Variants in IFI16 observed in about 807,000 individuals in gnomAD.
IFI16 encodes gamma-interferon-inducible protein 16.
IFI16 carries 49 observed loss-of-function variants against 68.4 expected under a neutral mutation model. That is an observed-to-expected ratio of 0.72 (90% CI 0.57 to 0.91). The LOEUF (loss-of-function observed/expected upper bound fraction) is 0.91. Ranked by LOEUF, IFI16 falls within the 40% of genes least tolerant of loss-of-function variation. The probability of loss-of-function intolerance (pLI) is 0.00; values close to 1 mark genes in which losing one functional copy is unlikely to be tolerated. For synonymous variants in IFI16, 307 were observed against 315.0 expected (o/e 0.97, Z 0.27); for missense variants, 878 against 942.9 (o/e 0.93, Z 0.90).
intron 7 of IFI16, among the ~76,000 whole-genome samples, chr1:159,044,652 T>C (rs1357708819): frequency 6.6e-6 from 1 of 152,176 alleles, no homozygotes; most frequent in Non-Finnish European, 1.5e-5. Flanking sequence ...TTAGAGATAT[T>C]CCCCAATTTT....
Position 159,052,112 on chromosome 1 carries a change from ATTG to A in IFI16, c.2085+17_2085+19del. ...GAGGTACATAAGGTAAGCCCACACCATTGTTTTATAAAATTTCTCCTGCAACCT... is the reference window on the plus strand; with the variant it reads ...GAGGTACATAAGGTAAGCCCACACCATTTTATAAAATTTCTCCTGCAACCT... On this transcript the variant is annotated intron_variant, in intron 10 of 11. Coordinates refer to ENST00000295809, the MANE Select transcript of IFI16 (RefSeq NM_001376587.1). 1 of 1,572,696 alleles carries A rather than the reference ATTG, an allele frequency of 6.4e-7. No individual in the cohort carries two copies. Among genetic ancestry groups the A allele is most frequent in the South Asian group, 1.1e-5 (1 of 87,680 alleles).
At position 159,018,600 on chromosome 1, in the gene IFI16, T is replaced by C. The variant is rs1026776805; in HGVS notation, c.921T>C (p.Leu307=). 3 of 1,613,588 alleles carry C rather than the reference T, an allele frequency of 1.9e-6. No homozygotes were observed. Among genetic ancestry groups the C allele is most frequent in the Admixed American group, 1.7e-5 (1 of 59,930 alleles). ...AGGAAACTCTGAAGATTGATATTCT[T>C]CACAAACAAGCTTCAGGAAATATTG... ...RAKETLKIDI[L]HKQASGNIVY... is the part of the protein sequence containing the mutation. Residue 307 remains leucine (L), a synonymous_variant, in exon 5 of 12, where the codon CTT becomes CTC. Coordinates refer to ENST00000295809, the MANE Select transcript of IFI16 (RefSeq NM_001376587.1).
At chr1:159,041,007 C>T (rs1654601610) in intron 7 of IFI16, among the ~76,000 whole-genome samples, 1 of 152,188 alleles carries the variant, frequency 6.6e-6, no homozygotes. Context: ...ACTCTGCAGC[C>T]TTTCAGTGAT....
chr1:159,039,502 C>T (rs1344385935), intron 7 of IFI16, among the ~76,000 whole-genome samples: 2 of 152,034 alleles, frequency 1.3e-5, no homozygotes, highest in African/African-American at 4.8e-5. Context: ...CACCACCATG[C>T]CAGGCCAATT....
chr1:159,032,080 A>G (rs1445452499), intron 6 of IFI16, among the ~76,000 whole-genome samples: 1 of 152,248 alleles, frequency 6.6e-6, no homozygotes, highest in Non-Finnish European at 1.5e-5. Flanking sequence ...AATAGGTCCT[A>G]TTGCTCTTAG....
At chr1:159,051,051 CTATTTT>C (rs1475859229) in intron 9 of IFI16, among the ~76,000 whole-genome samples, 1 of 152,014 alleles carries the variant, frequency 6.6e-6, no homozygotes, top group African/African-American at 2.4e-5. Flanking sequence ...ATTTTTTTCT[CTATTTT>C]TATTTTATTT....
At chr1:159,051,145 G>T (rs1403175366) in intron 9 of IFI16, among the ~76,000 whole-genome samples, 1 of 152,022 alleles carries the variant, frequency 6.6e-6, no homozygotes, top group African/African-American at 2.4e-5. Context: ...TTTCTGAGTT[G>T]TAGGAGAGCA....
intron 8 of IFI16, among the ~76,000 whole-genome samples, chr1:159,048,944 T>A (rs1308142203): frequency 3.3e-5 from 5 of 151,466 alleles, no homozygotes; most frequent in Non-Finnish European, 5.9e-5. Context: ...GAATTGTGAA[T>A]TTGAGAGAAT....
chr1:159,018,735 A>G (rs969393214), intron 5 of IFI16, 84 bp downstream of exon 5: 25 of 937,654 alleles, frequency 2.7e-5, no homozygotes, highest in Admixed American at 1.1e-4. Flanking sequence ...AGCTTTGCCT[A>G]TAAACTGGAT....
chr1:159,047,633 C>CGTA (rs1431327466), intron 8 of IFI16, among the ~76,000 whole-genome samples: 2 of 150,758 alleles, frequency 1.3e-5, no homozygotes, highest in Admixed American at 6.7e-5. Flanking sequence ...ACATACACCA[C>CGTA]GTAGTCATTT....
intron 8 of IFI16, 33 bp from the exon 9 acceptor site, chr1:159,049,399 A>G (rs769638924): frequency 2.9e-6 from 3 of 1,036,238 alleles, no homozygotes; most frequent in Non-Finnish European, 4.2e-6. Context: ...AACATTAACT[A>G]GAAAAAAAGA....
Position 159,045,430 on chromosome 1 carries a change from C to T in IFI16, c.1463C>T (p.Pro488Leu). Residue 488 changes from proline (P) to leucine (L), a missense_variant, in exon 8 of 12, where the codon CCT becomes CTT. This residue lies in a region of IFI16 where 59 missense variants were observed against 119.0 expected (regional missense o/e 0.50). Coordinates refer to ENST00000295809, the MANE Select transcript of IFI16 (RefSeq NM_001376587.1). ...AGCCATCCCCACACTCCTCAGATGCCTCCATCAACACCAAGCAGCAGTTTC... is the reference window on the plus strand; with the variant it reads ...AGCCATCCCCACACTCCTCAGATGCTTCCATCAACACCAAGCAGCAGTTTC... Reference protein sequence around the residue: ...AESHPHTPQMPPSTPSSSFLT... With the variant: ...AESHPHTPQMLPSTPSSSFLT... 1.9e-6 allele frequency: 3 copies of T among 1,580,304 alleles called. No individual in the cohort carries two copies. Among genetic ancestry groups the T allele is most frequent in the Non-Finnish European group, 2.6e-6 (3 of 1,162,800 alleles).
At chr1:159,019,661 ATGTTAGCCAGGATGGT>A (rs111254777) in intron 5 of IFI16, among the ~76,000 whole-genome samples, 38,180 of 151,780 alleles carry the variant, frequency 0.25, 7,840 homozygotes, top group African/African-American at 0.56. Context: ...GGGTTTCACT[ATGTTAGCCAGGATGGT>A]CTTGGTCTCC....
intron 6 of IFI16, among the ~76,000 whole-genome samples, chr1:159,029,521 G>C (rs1208207267): frequency 6.6e-6 from 1 of 152,062 alleles, no homozygotes; most frequent in Non-Finnish European, 1.5e-5. Flanking sequence ...TCTCGTATTT[G>C]GATGTCTAGA....
rs528802138 is a variant in IFI16 at position 159,018,719 on chromosome 1, A to T, written c.972+68A>T. On this transcript the variant is annotated intron_variant, in intron 5 of 11. Transcript: ENST00000295809. ...CTGAAATTAAAAGTCTTGATGTGTG[A>T]GATGAAGCTTTGCCTATAAACTGGA... is the stretch of plus-strand genomic sequence containing the variant. 3 of 1,123,424 alleles carry T rather than the reference A, an allele frequency of 2.7e-6. No individual in the cohort carries two copies. The African/African-American group carries it at 4.7e-5, about 17-fold the overall frequency. 69.6% of individuals were successfully genotyped at this position (1,123,424 alleles called of 1,614,324 possible).
At chr1:159,016,836 G>A in intron 4 of IFI16, 136 bp downstream of exon 4, 4 of 782,394 alleles carry the variant, frequency 5.1e-6, no homozygotes, top group South Asian at 3.6e-5. Flanking sequence ...ACTACATTTT[G>A]ATCTTTTGCT....
rs771117172 is a variant in IFI16, at chr1:159,053,630, A to T, written c.2183A>T (p.Glu728Val). The part of the protein sequence containing the change: ...VHGRLTTINC[E>V]EGDKLKLTCF... Reference sequence around the variant, plus strand: ...GGACGACTGACCACAATCAACTGTGAGGAAGGAGATAAACTGAAACTCACC... The same window carrying T: ...GGACGACTGACCACAATCAACTGTGTGGAAGGAGATAAACTGAAACTCACC... Residue 728 changes from glutamate to valine, a missense_variant, in exon 11 of 12, where the codon GAG becomes GTG. By Grantham distance (121) the Glu-to-Val change is moderately radical. Coordinates refer to ENST00000295809, the MANE Select transcript of IFI16 (RefSeq NM_001376587.1). 3 of 1,613,944 alleles carry T rather than the reference A, an allele frequency of 1.9e-6. No homozygotes were observed. The highest frequency in any genetic ancestry group is 2.5e-6 in the Non-Finnish European group (3 of 1,179,828).
At chr1:159,000,418 A>G (rs1396825164) in intron 1 of IFI16, 1 of 160,870 alleles carries the variant, frequency 6.2e-6, no homozygotes, top group Non-Finnish European at 1.4e-5. Context: ...TATTTTTTAA[A>G]GGGAAAATAA....
intron 9 of IFI16, among the ~76,000 whole-genome samples, chr1:159,049,851 G>C (rs1571895393): frequency 6.6e-6 from 1 of 151,916 alleles, no homozygotes. Context: ...TTACGTTTTT[G>C]TTTTTCCCTC....
Sources: gnomAD v4.1 joint callset for allele counts (sites outside exome capture counted in the v4.1 genomes callset) on GRCh38, gnomAD v4.1.1 for gene constraint, gnomAD v4.1.1 regional missense constraint, MANE v1.5 for transcripts, NCBI Gene and HGNC (gene_info 2026-07-23, HGNC 2026-07-21) for gene names.